The following SHLD1 variants were observed in gnomAD, a reference collection of about 807,000 sequenced individuals.
SHLD1 encodes the protein shieldin complex subunit 1.
SHLD1 carries 3 observed loss-of-function variants against 5.5 expected under a neutral mutation model. That is an observed-to-expected ratio of 0.54 (90% CI 0.25 to 1.40). The LOEUF is 1.40. Among genes scored for constraint, SHLD1 ranks in the 40% most tolerant of loss-of-function variants. SHLD1 has a pLI of 0.15. For synonymous variants in SHLD1, 92 were observed against 94.3 expected, an observed-to-expected ratio of 0.98 and a Z score of 0.14; for missense variants, 210 against 244.4, an observed-to-expected ratio of 0.86 and a Z score of 0.94.
chr20:5,750,425 G>A lies in SHLD1; in HGVS notation c.-59G>A, dbSNP rs1427736647. The A allele has an allele frequency of 2.0e-5, 3 of 150,730 alleles. No homozygotes were observed. The highest frequency in any genetic ancestry group is 4.4e-5 in the Non-Finnish European group (3 of 67,918). The allele number at this position is 150,730 out of a possible 1,614,324, so 9.3% of individuals were successfully genotyped here. ...CGTTCCGGTTGCGGATGGTGAGTGT[G>A]TCGGGGGGCTTGGCGGCTTTTCTCC... is the stretch of plus-strand genomic sequence containing the variant. On this transcript the variant is annotated 5_prime_UTR_variant, in exon 1 of 3. Transcript: ENST00000303142.
At position 5,795,293 on chromosome 20, in the gene SHLD1, A is replaced by G. The variant is rs374246140; in HGVS notation, c.178+22250A>G. On this transcript the variant is annotated intron_variant, in intron 2 of 2. Transcript: ENST00000303142. ...AACACACACACACACGCAAAACCAA[A>G]GTGATAAAATCAGGCTGTATAGGCT... Among the ~76,000 whole-genome samples, 6 of 151,312 alleles carry G rather than the reference A, an allele frequency of 4.0e-5. No homozygotes were observed. The East Asian group carries it at 1.2e-3, about 30-fold the overall frequency.
Position 5,806,297 on chromosome 20 carries a change from A to C in SHLD1, c.178+33254A>C, listed in dbSNP as rs2087374547. 6.6e-6 allele frequency among the ~76,000 whole-genome samples: 1 copy of C among 152,254 alleles called. No homozygotes were observed. The highest frequency in any genetic ancestry group is 1.5e-5 in the Non-Finnish European group (1 of 68,046). On this transcript the variant is annotated intron_variant, in intron 2 of 2. Coordinates refer to ENST00000303142, the MANE Select transcript of SHLD1 (RefSeq NM_152504.4). The surrounding 1 kb of genome is among the most constrained non-coding windows in gnomAD (Gnocchi z 7.6). ...CAAACTTTAAAACTGTTGCTTACGC[A>C]TCATGCTATTGGTCCACAGTATATG... is the stretch of plus-strand genomic sequence containing the variant.
chr20:5,845,914 A>G (rs1340757259), intron 2 of SHLD1, among the ~76,000 whole-genome samples: 1 of 152,180 alleles, frequency 6.6e-6, no homozygotes, highest in African/African-American at 2.4e-5. Context: ...TTTAAAGGGG[A>G]AGTGCTCGGC....
intron 2 of SHLD1, among the ~76,000 whole-genome samples, chr20:5,817,432 C>CTCTCTCTGTGTGTGTGTG (rs1473391202): frequency 2.3e-5 from 2 of 85,666 alleles, no homozygotes; most frequent in African/African-American, 1.1e-4. Context: ...CTCTCTCTCT[C>CTCTCTCTGTGTGTGTGTG]TGTGTGTGTG....
chr20:5,797,888 G>A (rs1343559698), intron 2 of SHLD1, among the ~76,000 whole-genome samples: 2 of 152,154 alleles, frequency 1.3e-5, no homozygotes, highest in African/African-American at 4.8e-5. Flanking sequence ...ATGTAGATAT[G>A]ACCCTCTGTT....
chr20:5,750,499 G>C lies in SHLD1; in HGVS notation c.-5+20G>C, dbSNP rs868637669. The C allele has an allele frequency of 1.6e-4, 22 of 137,232 alleles. No individual in the cohort carries two copies. The highest frequency in any genetic ancestry group is 2.5e-4 in the Non-Finnish European group (15 of 60,802). 8.5% of individuals were successfully genotyped at this position (137,232 alleles called of 1,614,324 possible). Reference sequence around the variant, plus strand: ...GGAGAGGTAAGCGCGGGATGGGATGGGGGGGGGTTGGAGTGGTGGGGGCGG... The same window carrying C: ...GGAGAGGTAAGCGCGGGATGGGATGCGGGGGGGTTGGAGTGGTGGGGGCGG... On this transcript the variant is annotated intron_variant, in intron 1 of 2. Coordinates refer to ENST00000303142, the MANE Select transcript of SHLD1 (RefSeq NM_152504.4).
At chr20:5,784,166 A>G (rs2087025263) in intron 2 of SHLD1, among the ~76,000 whole-genome samples, 1 of 150,738 alleles carries the variant, frequency 6.6e-6, no homozygotes, top group African/African-American at 2.4e-5. Flanking sequence ...AAAAAAAAGA[A>G]AAAAGAAAAC....
intron 1 of SHLD1, among the ~76,000 whole-genome samples, chr20:5,767,547 C>T (rs1984910466): frequency 6.6e-6 from 1 of 152,194 alleles, no homozygotes; most frequent in Non-Finnish European, 1.5e-5. Context: ...ATGTGCTCTT[C>T]CTTTCCCACC....
intron 2 of SHLD1, among the ~76,000 whole-genome samples, chr20:5,838,236 C>A (rs762590776): frequency 6.6e-6 from 1 of 152,048 alleles, no homozygotes; most frequent in Non-Finnish European, 1.5e-5. Context: ...GATGTCAACA[C>A]ATAATGTCTA....
At chr20:5,828,456 A>G (rs1168708677) in intron 2 of SHLD1, among the ~76,000 whole-genome samples, 2 of 151,992 alleles carry the variant, frequency 1.3e-5, no homozygotes, top group African/African-American at 2.4e-5. Flanking sequence ...GTTCCTTTCC[A>G]TGCCCCTCAA....
chr20:5,769,035 A>T (rs1305378882), intron 1 of SHLD1, among the ~76,000 whole-genome samples: 2 of 151,620 alleles, frequency 1.3e-5, no homozygotes, highest in East Asian at 3.9e-4. Context: ...CCTCCTGAGT[A>T]GCTGGGACTA....
rs2087022016 is a variant in SHLD1, at chr20:5,783,986, T to A, written c.178+10943T>A. 2.0e-5 allele frequency among the ~76,000 whole-genome samples: 3 copies of A among 152,046 alleles called. No homozygotes were observed. The South Asian group carries it at 6.2e-4, about 32-fold the overall frequency. ...GGTCAACATGGCAAAACGCCGTCTC[T>A]ACTAAAAATACAAAAATTAGCCAGG... On this transcript the variant is annotated intron_variant, in intron 2 of 2. Coordinates refer to ENST00000303142, the MANE Select transcript of SHLD1 (RefSeq NM_152504.4).
In SHLD1 at chr20:5,815,061, G is replaced by A. The variant is rs530456427; in HGVS notation, c.178+42018G>A. On this transcript the variant is annotated intron_variant, in intron 2 of 2. Coordinates refer to ENST00000303142, the MANE Select transcript of SHLD1 (RefSeq NM_152504.4). ...ACTTATGTTCCTTGGGGGTTTCTGT[G>A]GTTCCAGAAGCCATTCATGCCTGCG... is the stretch of plus-strand genomic sequence containing the variant. Among the ~76,000 whole-genome samples the A allele has an allele frequency of 2.6e-5, 4 of 152,214 alleles. No individual in the cohort carries two copies. The South Asian group carries it at 6.2e-4, about 24-fold the overall frequency.
At chr20:5,779,479 C>G (rs943668870) in intron 2 of SHLD1, among the ~76,000 whole-genome samples, 3 of 152,164 alleles carry the variant, frequency 2.0e-5, no homozygotes, top group African/African-American at 7.2e-5. Flanking sequence ...TCAGGAGGCT[C>G]TTGCCGACAT....
rs947418874 is a variant in SHLD1, at chr20:5,855,196, C to A, written c.179-7828C>A. On this transcript the variant is annotated intron_variant, in intron 2 of 2. Transcript: ENST00000303142. This position sits in a 1 kb window ranked among gnomAD's most constrained non-coding sequence, Gnocchi z 4.4. ...CCCAACCCTGTCTCTATAAATCTGA[C>A]CACTTTAGGTACCTCATCTAAGTGG... 6.6e-6 allele frequency among the ~76,000 whole-genome samples: 1 copy of A among 151,928 alleles called. No individual in the cohort carries two copies. Among genetic ancestry groups the A allele is most frequent in the South Asian group, 2.1e-4 (1 of 4,804 alleles).
intron 2 of SHLD1, among the ~76,000 whole-genome samples, chr20:5,807,180 C>G (rs997235673): frequency 1.3e-5 from 2 of 152,126 alleles, no homozygotes; most frequent in Admixed American, 6.6e-5. Flanking sequence ...ACAATTATAT[C>G]ATCCTAATTA....
intron 2 of SHLD1, among the ~76,000 whole-genome samples, chr20:5,841,202 T>TGC (rs2087855269): frequency 6.8e-6 from 1 of 147,150 alleles, no homozygotes; most frequent in South Asian, 2.1e-4. Flanking sequence ...TGTGTGTGTG[T>TGC]GCACATGCAT....
intron 1 of SHLD1, among the ~76,000 whole-genome samples, chr20:5,765,621 G>T (rs1434561408): frequency 1.3e-5 from 2 of 152,056 alleles, no homozygotes; most frequent in African/African-American, 4.8e-5. Context: ...TTATCAAAAG[G>T]TTTGGGACAA....
At chr20:5,768,805 G>A (rs1199777748) in intron 1 of SHLD1, among the ~76,000 whole-genome samples, 3 of 151,916 alleles carry the variant, frequency 2.0e-5, no homozygotes, top group Non-Finnish European at 2.9e-5. Context: ...GTGTATGCAC[G>A]TGGGCACATT....
Sources: gnomAD v4.1 joint callset for allele counts (sites outside exome capture counted in the v4.1 genomes callset) on GRCh38, gnomAD v4.1.1 for gene constraint, Gnocchi (gnomAD v3.1) non-coding constraint, MANE v1.5 for transcripts, NCBI Gene and HGNC (gene_info 2026-07-23, HGNC 2026-07-21) for gene names.